SNX4: variants seen among roughly 807,000 people sequenced by gnomAD.
SNX4 encodes the protein sorting nexin-4.
In SNX4, 49 loss-of-function variants were observed where a neutral mutation model predicts 70.8. That is an observed-to-expected ratio of 0.69 (90% CI 0.55 to 0.88). The LOEUF is 0.88. Among genes scored for constraint, SNX4 ranks in the 40% least tolerant of loss-of-function variants. SNX4 has a pLI of 0.00. For synonymous variants in SNX4, 206 were observed against 183.8 expected (o/e 1.12, Z -0.98); for missense variants, 528 against 544.8 (o/e 0.97, Z 0.31).
At chr3:125,451,683 G>A (rs1239142323) in intron 12 of SNX4, among the ~76,000 whole-genome samples, 2 of 151,944 alleles carry the variant, frequency 1.3e-5, no homozygotes. Flanking sequence ...CTGGAGTGTA[G>A]TGGCGTGATC....
rs964354629 is a variant in SNX4, at chr3:125,464,722, C to T, written c.855-3862G>A. 1.7e-4 allele frequency among the ~76,000 whole-genome samples: 26 copies of T among 151,840 alleles called. 1 individual carries two copies. Among genetic ancestry groups the T allele is most frequent in the Admixed American group, 4.6e-4 (7 of 15,220 alleles). ...GAGTAGCTGGGAGTACAGGTACATG[C>T]CACCACTCCCTGCTAATTTTTGTAG... is the stretch of plus-strand genomic sequence containing the variant. On this transcript the variant is annotated intron_variant, in intron 9 of 13. Coordinates refer to ENST00000251775, the MANE Select transcript of SNX4 (RefSeq NM_003794.4).
intron 9 of SNX4, among the ~76,000 whole-genome samples, chr3:125,468,603 T>C (rs1486288313): frequency 6.6e-6 from 1 of 152,128 alleles, no homozygotes; most frequent in African/African-American, 2.4e-5. Flanking sequence ...CCCAGCACTT[T>C]GGGAGGCCAA....
chr3:125,462,728 T>G (rs1404593636), intron 9 of SNX4, among the ~76,000 whole-genome samples: 1 of 152,158 alleles, frequency 6.6e-6, no homozygotes, highest in Non-Finnish European at 1.5e-5. Flanking sequence ...ACCATTCCAC[T>G]GTTTAGTTCC....
chr3:125,495,269 T>TAC (rs1166028530), intron 5 of SNX4, among the ~76,000 whole-genome samples: 30 of 75,672 alleles, frequency 4.0e-4, no homozygotes, highest in East Asian at 3.7e-3. Context: ...TATATATATA[T>TAC]ATATATATAC....
intron 6 of SNX4, among the ~76,000 whole-genome samples, chr3:125,483,037 C>T (rs977376064): frequency 6.6e-6 from 1 of 151,980 alleles, no homozygotes; most frequent in South Asian, 2.1e-4. Context: ...AGGAATGAGA[C>T]TTTTCACTGT....
chr3:125,515,649 T>G (rs2107575634), intron 1 of SNX4, among the ~76,000 whole-genome samples: 1 of 133,384 alleles, frequency 7.5e-6, no homozygotes, highest in Non-Finnish European at 1.6e-5. Flanking sequence ...TGGGCAACAG[T>G]GCAAGACTTG....
In SNX4 at chr3:125,520,069, G is replaced by A; in HGVS notation, c.104C>T (p.Ala35Val). The A allele has an allele frequency of 1.9e-6, 3 of 1,549,134 alleles. No individual in the cohort carries two copies. Among genetic ancestry groups the A allele is most frequent in the South Asian group, 1.2e-5 (1 of 83,686 alleles). ...AGLGAAVGKE[A>V]EGAGEESSGV... ...AGAGCTCTCTTCTCCGGCCCCCTCC[G>A]CTTCCTTGCCGACCGCAGCCCCCAG... The change falls in exon 1 of 14, where the codon GCG becomes GTG. Residue 35 changes from alanine to valine, a missense_variant. Physicochemically the swap from Ala to Val is moderately conservative, Grantham distance 64. Transcript: ENST00000251775.
Position 125,451,285 on chromosome 3 carries a change from T to C in SNX4, c.1305+20A>G. 2 of 1,561,144 alleles carry C rather than the reference T, an allele frequency of 1.3e-6. No individual in the cohort carries two copies. ...CTTCTGAATATACATATATCTTCAC[T>C]GAAACAGGAAAAACCCTACCTTTTT... On this transcript the variant is annotated intron_variant, in intron 13 of 13. Coordinates refer to ENST00000251775, the MANE Select transcript of SNX4 (RefSeq NM_003794.4).
chr3:125,485,767 A>G (rs1934510707), intron 6 of SNX4, among the ~76,000 whole-genome samples: 2 of 152,294 alleles, frequency 1.3e-5, no homozygotes, highest in East Asian at 3.9e-4. Context: ...ACTGTGAGAA[A>G]TCATAAATGA....
At chr3:125,476,621 A>G in intron 8 of SNX4, 74 bp downstream of exon 8, 1 of 900,472 alleles carries the variant, frequency 1.1e-6, no homozygotes, top group Non-Finnish European at 1.8e-6. Flanking sequence ...ACACTCATAA[A>G]TGTTCAAGAA....
intron 9 of SNX4, among the ~76,000 whole-genome samples, chr3:125,461,913 A>G (rs1933895149): frequency 6.6e-6 from 1 of 152,072 alleles, no homozygotes; most frequent in Admixed American, 6.6e-5. Flanking sequence ...TCAGCCTCCC[A>G]AAGTGCTAGG....
At chr3:125,483,279 T>C (rs1039718461) in intron 6 of SNX4, among the ~76,000 whole-genome samples, 5 of 152,012 alleles carry the variant, frequency 3.3e-5, no homozygotes, top group Non-Finnish European at 7.4e-5. Context: ...TGAACTTAAG[T>C]TTCAAGAGGC....
chr3:125,519,682 T>C (rs1275449086), intron 1 of SNX4, among the ~76,000 whole-genome samples: 1 of 151,982 alleles, frequency 6.6e-6, no homozygotes, highest in African/African-American at 2.4e-5. Context: ...ATCTCCCAGC[T>C]ACGCGACCAC....
At chr3:125,484,735 T>TATAA (rs1297889397) in intron 6 of SNX4, among the ~76,000 whole-genome samples, 1 of 152,016 alleles carries the variant, frequency 6.6e-6, no homozygotes, top group Non-Finnish European at 1.5e-5. Flanking sequence ...CTCACATATG[T>TATAA]AATCCCAGCA....
At chr3:125,504,022 C>A (rs1210606585) in intron 2 of SNX4, among the ~76,000 whole-genome samples, 1 of 151,810 alleles carries the variant, frequency 6.6e-6, no homozygotes, top group Non-Finnish European at 1.5e-5. Flanking sequence ...CAGAGTGAGA[C>A]CCCATCTCTA....
At chr3:125,496,312 A>G (rs1484275529) in intron 5 of SNX4, among the ~76,000 whole-genome samples, 1 of 152,154 alleles carries the variant, frequency 6.6e-6, no homozygotes, top group Non-Finnish European at 1.5e-5. Context: ...AAAAACTCCA[A>G]AATATTTATA....
chr3:125,471,288 G>A (rs1370882691), intron 8 of SNX4, among the ~76,000 whole-genome samples: 1 of 135,544 alleles, frequency 7.4e-6, no homozygotes, highest in African/African-American at 2.8e-5. Context: ...AGGTTGCGGT[G>A]AGCCGAGGTC....
At chr3:125,495,286 A>ACATT in intron 5 of SNX4, among the ~76,000 whole-genome samples, 1 of 79,886 alleles carries the variant, frequency 1.3e-5, no homozygotes, top group Admixed American at 1.7e-4. Context: ...ATACACATAC[A>ACATT]CACACACACA....
At chr3:125,459,915 G>A (rs1429766073) in intron 10 of SNX4, among the ~76,000 whole-genome samples, 1 of 151,874 alleles carries the variant, frequency 6.6e-6, no homozygotes, top group Non-Finnish European at 1.5e-5. Flanking sequence ...AAAGCGACAG[G>A]ACAGTGTTGG....
Sources: allele counts gnomAD v4.1 joint callset (sites outside exome capture counted in the v4.1 genomes callset), GRCh38; gene constraint gnomAD v4.1.1; transcripts MANE v1.5; gene names NCBI Gene and HGNC (gene_info 2026-07-23, HGNC 2026-07-21).